CTSE: variants seen among roughly 807,000 people sequenced by gnomAD.
The protein encoded by CTSE is erythrocyte membrane aspartic proteinase.
In CTSE, 43 loss-of-function variants were observed where a neutral mutation model predicts 42.8. The observed-to-expected ratio is 1.01, with a 90% CI of 0.79 to 1.30. The LOEUF (loss-of-function observed/expected upper bound fraction) is 1.30, where lower values mean the gene tolerates loss of function less well. Among genes scored for constraint, CTSE ranks in the 50% most tolerant of loss-of-function variants. CTSE has a pLI of 0.00. For missense variants in CTSE, 532 were observed against 493.5 expected (o/e 1.08, Z -0.74); for synonymous variants, 205 against 191.5 (o/e 1.07, Z -0.58).
At chr1:206,022,320 G>A (rs1553278589) in intron 2 of CTSE, 53 bp from the exon 3 acceptor site, 1 of 1,346,222 alleles carries the variant, frequency 7.4e-7, no homozygotes. Context: ...GAGGGACAAG[G>A]GTGCTCACCA....
intron 8 of CTSE, among the ~76,000 whole-genome samples, chr1:206,011,875 G>A (rs1661109975): frequency 6.6e-6 from 1 of 152,084 alleles, no homozygotes; most frequent in East Asian, 1.9e-4. Flanking sequence ...TTAATTTGAA[G>A]TTAGAACAAA....
chr1:206,023,141 ACTAGAGAAG>A, intron 1 of CTSE, 84 bp from the exon 2 acceptor site: 2 of 770,522 alleles, frequency 2.6e-6, no homozygotes, highest in Non-Finnish European at 4.1e-6. Context: ...TCAGGGGCCA[ACTAGAGAAG>A]ATGGGGTGGG....
At chr1:206,014,474 G>C (rs782042117) in intron 5 of CTSE, among the ~76,000 whole-genome samples, 3 of 152,038 alleles carry the variant, frequency 2.0e-5, no homozygotes, top group Non-Finnish European at 4.4e-5. Flanking sequence ...AAAAGGATCA[G>C]AAAGATACAA....
At chr1:206,022,572 G>C (rs1661471763) in intron 2 of CTSE, among the ~76,000 whole-genome samples, 1 of 152,034 alleles carries the variant, frequency 6.6e-6, no homozygotes, top group Non-Finnish European at 1.5e-5. Context: ...ACAGACCAGG[G>C]AACTGGGGCT....
At position 206,022,183 on chromosome 1, in the gene CTSE, C is replaced by A; in HGVS notation, c.310G>T (p.Val104Phe). 6.2e-7 allele frequency: 1 copy of A among 1,612,288 alleles called. No homozygotes were observed. Among genetic ancestry groups the A allele is most frequent in the African/African-American group, 1.3e-5 (1 of 75,020 alleles). The change falls in exon 3 of 9, where the codon GTC (valine) becomes TTC (phenylalanine). Residue 104 changes from valine to phenylalanine, a missense_variant. Transcript: ENST00000358184. ...IFDTGSSNLW[V>F]PSVYCTSPAC... ...GGGCTAGTGCAGTACACAGAGGGGA[C>A]CCAGAGGTTGGAGGAGCCAGTGTCG...
chr1:206,021,817 A>G (rs1661434252), intron 3 of CTSE, among the ~76,000 whole-genome samples: 1 of 152,012 alleles, frequency 6.6e-6, no homozygotes, highest in Admixed American at 6.5e-5. Context: ...GAAATAACCA[A>G]TTAAATTAAA....
At position 206,011,204 on chromosome 1, in the gene CTSE, C is replaced by T. The variant is rs373984262; in HGVS notation, c.1027-857G>A. Among the ~76,000 whole-genome samples the T allele has an allele frequency of 2.1e-3, 322 of 151,970 alleles. 1 individual carries two copies. The highest frequency in any genetic ancestry group is 6.5e-3 in the African/African-American group (271 of 41,472). ...GATTACAGGTGTGAGTCACCATGCCCGGTCAGGTCATGATCTTCTAAAATG... is the reference window on the plus strand; with the variant it reads ...GATTACAGGTGTGAGTCACCATGCCTGGTCAGGTCATGATCTTCTAAAATG... On this transcript the variant is annotated intron_variant, in intron 8 of 8. Transcript: ENST00000358184.
At chr1:206,019,138 C>T (rs782367503) in intron 4 of CTSE, among the ~76,000 whole-genome samples, 2 of 151,960 alleles carry the variant, frequency 1.3e-5, no homozygotes, top group African/African-American at 2.4e-5. Flanking sequence ...GAAGCAGAAC[C>T]ATTAGGAGGT....
At chr1:206,021,301 T>C in intron 3 of CTSE, 134 bp from the exon 4 acceptor site, 1 of 686,120 alleles carries the variant, frequency 1.5e-6, no homozygotes, top group Non-Finnish European at 2.6e-6. Flanking sequence ...CCTAGAAGCC[T>C]GGTGATGCCC....
intron 5 of CTSE, 184 bp from the exon 6 acceptor site, chr1:206,014,078 C>A: frequency 1.5e-6 from 1 of 647,644 alleles, no homozygotes; most frequent in Non-Finnish European, 2.7e-6. Context: ...CTTTTTGACA[C>A]AAGGTTAGAA....
intron 4 of CTSE, among the ~76,000 whole-genome samples, chr1:206,016,362 C>T (rs1230625350): frequency 6.6e-6 from 1 of 152,050 alleles, no homozygotes; most frequent in Non-Finnish European, 1.5e-5. Flanking sequence ...AAGAGCCAGT[C>T]TCCTGACTTC....
At position 206,013,849 on chromosome 1, in the gene CTSE, G is replaced by T. The variant is rs782694621; in HGVS notation, c.708C>A (p.Tyr236Ter). 5.0e-6 allele frequency: 8 copies of T among 1,613,676 alleles called. No homozygotes were observed. In the South Asian group the frequency reaches 5.5e-5, roughly 11 times the overall value. ...GGCTCCCAGAGAAATGGGAGTGGTCGTAGCCTCCAAAAATCAGCTCGCTCC... is the reference window on the plus strand; with the variant it reads ...GGCTCCCAGAGAAATGGGAGTGGTCTTAGCCTCCAAAAATCAGCTCGCTCC... ...GAGSELIFGG[Y>*]DHSHFSGSLN... The change falls in exon 6 of 9, where the codon TAC becomes TAA. Residue 236 changes from tyrosine to a stop codon, truncating the protein, a stop_gained. Transcript: ENST00000358184. LOFTEE classifies it high-confidence loss of function.
At chr1:206,022,777 C>T (rs1259126425) in intron 2 of CTSE, 124 bp downstream of exon 2, 4 of 970,186 alleles carry the variant, frequency 4.1e-6, no homozygotes, top group African/African-American at 1.7e-5. Context: ...CCCCATGGAT[C>T]ATCATCCAAG....
intron 4 of CTSE, 122 bp downstream of exon 4, chr1:206,020,927 C>T: frequency 1.4e-6 from 1 of 722,548 alleles, no homozygotes; most frequent in Admixed American, 2.2e-5. Context: ...TGCCCTTTCT[C>T]CTAGAAGTTA....
At chr1:206,013,227 A>G (rs1452701738) in intron 6 of CTSE, among the ~76,000 whole-genome samples, 6 of 151,922 alleles carry the variant, frequency 3.9e-5, no homozygotes, top group Non-Finnish European at 8.8e-5. Context: ...CCACTTCCCC[A>G]ATTGCTTCGT....
chr1:206,010,026 T>C lies in CTSE; in HGVS notation c.*157A>G, dbSNP rs1661040346. 1.4e-6 allele frequency: 1 copy of C among 705,146 alleles called. No homozygotes were observed. Among genetic ancestry groups the C allele is most frequent in the East Asian group, 2.6e-5 (1 of 38,218 alleles). The allele number at this position is 705,146 out of a possible 1,614,324, so 43.7% of individuals were successfully genotyped here. ...GTGTGTGTGTGTATATGTGTGTGTGTGTGTGTATTCTCATGTTCTGTTTGG... is the reference window on the plus strand; with the variant it reads ...GTGTGTGTGTGTATATGTGTGTGTGCGTGTGTATTCTCATGTTCTGTTTGG... On this transcript the variant is annotated 3_prime_UTR_variant, in exon 9 of 9. Coordinates refer to ENST00000358184, the MANE Select transcript of CTSE (RefSeq NM_001910.4).
chr1:206,021,248 C>A (rs140006768), intron 3 of CTSE, 81 bp from the exon 4 acceptor site: 9 of 1,093,562 alleles, frequency 8.2e-6, no homozygotes, highest in Non-Finnish European at 1.1e-5. Context: ...AGCCCCACAG[C>A]GGCAGGGTCT....
At chr1:206,017,578 C>T (rs1553277836) in intron 4 of CTSE, among the ~76,000 whole-genome samples, 1 of 152,060 alleles carries the variant, frequency 6.6e-6, no homozygotes, top group South Asian at 2.1e-4. Context: ...CAACCTCCAC[C>T]TCCTGGGTTC....
chr1:206,019,759 T>A (rs533399161), intron 4 of CTSE, among the ~76,000 whole-genome samples: 244 of 146,116 alleles, frequency 1.7e-3, no homozygotes, highest in African/African-American at 5.9e-3. Context: ...ACATAATATA[T>A]ACACATTACA....
Sources: allele counts gnomAD v4.1 joint callset (sites outside exome capture counted in the v4.1 genomes callset), GRCh38; gene constraint gnomAD v4.1.1; transcripts MANE v1.5; gene names NCBI Gene and HGNC (gene_info 2026-07-23, HGNC 2026-07-21).